MROH9: variants seen among roughly 807,000 people sequenced by gnomAD.
The protein encoded by MROH9 is maestro heat-like repeat-containing protein family member 9.
In MROH9, 92 loss-of-function variants were observed where a neutral mutation model predicts 98.2. The ratio of observed to expected loss-of-function variants is 0.94; its 90% confidence interval spans 0.79 to 1.11. The LOEUF is 1.11. Ranked by LOEUF, MROH9 falls within the 50% of genes most tolerant of loss-of-function variation. The pLI is 0.00. For synonymous variants in MROH9, 397 were observed against 368.9 expected, an observed-to-expected ratio of 1.08 and a Z score of -0.87; for missense variants, 1,057 against 1,014.8, an observed-to-expected ratio of 1.04 and a Z score of -0.57.
chr1:171,038,674 A>G (rs989327369), intron 20 of MROH9, among the ~76,000 whole-genome samples: 3 of 152,190 alleles, frequency 2.0e-5, no homozygotes, highest in African/African-American at 7.2e-5. Flanking sequence ...AAAAAGTAAA[A>G]GACAAAAGAT....
At chr1:171,017,942 A>G (rs535223181) in intron 17 of MROH9, among the ~76,000 whole-genome samples, 8 of 152,304 alleles carry the variant, frequency 5.3e-5, no homozygotes, top group South Asian at 4.1e-4. Context: ...GTCTCTGCAC[A>G]CCAGCAGACA....
chr1:170,954,420 A>T (rs962622074), intron 3 of MROH9, among the ~76,000 whole-genome samples: 10 of 152,082 alleles, frequency 6.6e-5, no homozygotes, highest in African/African-American at 2.4e-4. Context: ...ACTTAGGTTG[A>T]TTCCATATCT....
At chr1:171,038,895 A>G (rs1353670724) in intron 20 of MROH9, among the ~76,000 whole-genome samples, 1 of 152,066 alleles carries the variant, frequency 6.6e-6, no homozygotes, top group Non-Finnish European at 1.5e-5. Flanking sequence ...AAAGTGAGAG[A>G]TCTCATAGAA....
intron 15 of MROH9, among the ~76,000 whole-genome samples, chr1:171,001,671 C>G (rs1351303577): frequency 6.6e-6 from 1 of 151,972 alleles, no homozygotes; most frequent in African/African-American, 2.4e-5. Context: ...ATCATATATT[C>G]TATCTTGGAA....
chr1:171,028,188 C>T (rs1652790597), intron 20 of MROH9, among the ~76,000 whole-genome samples: 1 of 151,914 alleles, frequency 6.6e-6, no homozygotes, highest in African/African-American at 2.4e-5. Context: ...GTCTTTAAGC[C>T]TTGTTAATTT....
At chr1:171,044,776 A>T (rs1653409229) in intron 20 of MROH9, among the ~76,000 whole-genome samples, 1 of 151,680 alleles carries the variant, frequency 6.6e-6, no homozygotes, top group Admixed American at 6.6e-5. Context: ...GCCACTAATG[A>T]TCCTTTGAAA....
At chr1:171,037,510 A>G (rs1653141113) in intron 20 of MROH9, among the ~76,000 whole-genome samples, 1 of 152,074 alleles carries the variant, frequency 6.6e-6, no homozygotes, top group African/African-American at 2.4e-5. Flanking sequence ...AAAGAATAAA[A>G]ATTTTAAAAG....
At chr1:170,959,172 G>A (rs1374108198) in intron 4 of MROH9, among the ~76,000 whole-genome samples, 1 of 151,966 alleles carries the variant, frequency 6.6e-6, no homozygotes, top group Admixed American at 6.6e-5. Flanking sequence ...TCAGGAGATC[G>A]AGACCATCCT....
intron 1 of MROH9, among the ~76,000 whole-genome samples, chr1:170,941,399 A>G (rs763142642): frequency 6.6e-6 from 1 of 151,898 alleles, no homozygotes; most frequent in East Asian, 1.9e-4. Context: ...TCATGACTCA[A>G]TTTTTTATTT....
chr1:171,064,217 C>T lies in MROH9; in HGVS notation c.2463C>T (p.Phe821=), dbSNP rs1463116043. 3 of 1,551,470 alleles carry T rather than the reference C, an allele frequency of 1.9e-6. No individual in the cohort carries two copies. The highest frequency in any genetic ancestry group is 2.6e-6 in the Non-Finnish European group (3 of 1,146,908). Residue 821 remains phenylalanine (F), a synonymous_variant, in exon 22 of 22, where the codon TTC becomes TTT. Coordinates refer to ENST00000367759, the MANE Select transcript of MROH9 (RefSeq NM_001163629.2). ...KLTSAPLKQN[F]QKLLKLFYIK... The stretch of plus-strand genomic sequence containing the variant: ...CCTCTGCACCTCTTAAACAAAACTT[C>T]CAAAAATTGCTTAAATTATTCTACA...
At chr1:171,014,637 T>C (rs554025808) in intron 16 of MROH9, among the ~76,000 whole-genome samples, 2 of 152,216 alleles carry the variant, frequency 1.3e-5, no homozygotes, top group Non-Finnish European at 2.9e-5. Context: ...CTTCTACTCA[T>C]AATGTTCCTA....
intron 7 of MROH9, among the ~76,000 whole-genome samples, chr1:170,971,097 C>T (rs114285947): frequency 0.017 from 2,612 of 152,230 alleles, 90 homozygotes; most frequent in African/African-American, 0.06. Flanking sequence ...TCTCTCTACT[C>T]CCTTCTCTGT....
At chr1:170,956,130 A>C (rs1284739498) in intron 3 of MROH9, among the ~76,000 whole-genome samples, 1 of 152,102 alleles carries the variant, frequency 6.6e-6, no homozygotes, top group Non-Finnish European at 1.5e-5. Flanking sequence ...GGCTGTAAGC[A>C]TTTGGGTTTA....
chr1:171,054,823 G>A (rs1653778325), intron 20 of MROH9, among the ~76,000 whole-genome samples: 1 of 152,256 alleles, frequency 6.6e-6, no homozygotes, highest in Middle Eastern at 3.4e-3. Flanking sequence ...ACTCCTGCAA[G>A]AATGGCCATA....
At chr1:170,987,261 T>A (rs1056444507) in intron 10 of MROH9, among the ~76,000 whole-genome samples, 2 of 152,236 alleles carry the variant, frequency 1.3e-5, no homozygotes, top group African/African-American at 4.8e-5. Flanking sequence ...TTTGCCATAT[T>A]TGCTTTAGAA....
rs2101889020 is a variant in MROH9, at chr1:170,958,489, C to T, written c.101C>T (p.Ala34Val). 2 of 1,588,110 alleles carry T rather than the reference C, an allele frequency of 1.3e-6. No individual in the cohort carries two copies. Residue 34 changes from alanine to valine, a missense_variant, in exon 4 of 22, where the codon GCA (alanine) becomes GTA (valine). Physicochemically the swap from Ala to Val is moderately conservative, Grantham distance 64. Transcript: ENST00000367759. The part of the protein sequence containing the change: ...MAHKVNSLLD[A>V]YSGLLSNESM... The stretch of plus-strand genomic sequence containing the variant: ...CATAAAGTTAACAGCCTATTGGATG[C>T]ATACTCAGGCCTGTTAAGTAATGAA...
At chr1:170,938,977 G>A (rs556342755) in intron 1 of MROH9, among the ~76,000 whole-genome samples, 1 of 152,306 alleles carries the variant, frequency 6.6e-6, no homozygotes, top group East Asian at 1.9e-4. Flanking sequence ...TGGCTACTTT[G>A]CTCATGAGCC....
chr1:171,004,110 A>G (rs901408901), intron 15 of MROH9, among the ~76,000 whole-genome samples: 2 of 152,030 alleles, frequency 1.3e-5, no homozygotes, highest in African/African-American at 2.4e-5. Flanking sequence ...AACAGCCCTG[A>G]GTCTGTTTCC....
At chr1:170,947,650 A>G in intron 3 of MROH9, 77 bp downstream of exon 3, 1 of 1,269,626 alleles carries the variant, frequency 7.9e-7, no homozygotes, top group Non-Finnish European at 1.1e-6. Flanking sequence ...TTCCATTACA[A>G]GGATGTTACA....
Sources: allele counts gnomAD v4.1 joint callset (sites outside exome capture counted in the v4.1 genomes callset), GRCh38; gene constraint gnomAD v4.1.1; transcripts MANE v1.5; gene names NCBI Gene and HGNC (gene_info 2026-07-23, HGNC 2026-07-21).